Variants in RAB3IP observed in about 807,000 individuals in gnomAD.
The protein encoded by RAB3IP is RAB3A interacting protein.
A neutral mutation model predicts 59.1 loss-of-function variants in RAB3IP; 36 were observed. The observed-to-expected ratio is 0.61, with a 90% CI of 0.47 to 0.80. The LOEUF is 0.80. RAB3IP is among the 30% of genes least tolerant of loss of function. RAB3IP has a pLI of 0.00. For missense variants in RAB3IP, 511 were observed against 536.0 expected (o/e 0.95, Z 0.46); for synonymous variants, 207 against 191.2 (o/e 1.08, Z -0.68).
intron 6 of RAB3IP, among the ~76,000 whole-genome samples, chr12:69,796,832 TA>T (rs1459803543): frequency 6.6e-6 from 1 of 152,380 alleles, no homozygotes; most frequent in East Asian, 1.9e-4. Flanking sequence ...TATGTGTAAG[TA>T]ATTATGTACT....
chr12:69,784,817 T>C lies in RAB3IP; in HGVS notation c.606+2T>C. 6.3e-7 allele frequency: 1 copy of C among 1,585,390 alleles called. No homozygotes were observed. Among genetic ancestry groups the C allele is most frequent in the Non-Finnish European group, 8.6e-7 (1 of 1,158,140 alleles). The stretch of plus-strand genomic sequence containing the variant: ...GAACTCACAGCTAGTCTATTTGAGG[T>C]TGGTCTATTTACATCTTGGCCAACA... On this transcript the variant is annotated splice_donor_variant, in intron 4 of 10. Coordinates refer to ENST00000247833, the MANE Select transcript of RAB3IP (RefSeq NM_022456.5). LOFTEE classifies it high-confidence loss of function.
At chr12:69,804,852 T>A (rs1176001451) in intron 8 of RAB3IP, among the ~76,000 whole-genome samples, 1 of 152,198 alleles carries the variant, frequency 6.6e-6, no homozygotes, top group East Asian at 1.9e-4. Context: ...TCCATTGGTC[T>A]ATATCTCTGT....
chr12:69,738,847 C>G (rs1886938121), upstream of RAB3IP: 1 of 152,190 alleles, frequency 6.6e-6, no homozygotes, highest in African/African-American at 2.4e-5. Context: ...CGGCCCCCGG[C>G]CCCGCTTCCG....
intron 1 of RAB3IP, chr12:69,739,676 C>T (rs1887083714): frequency 1.5e-6 from 1 of 670,184 alleles, no homozygotes; most frequent in Non-Finnish European, 2.6e-6. Flanking sequence ...AGCTCCGTGC[C>T]GCCAGACTTG....
rs1216922984 is a variant in RAB3IP at position 69,820,025 on chromosome 12, A to C, written c.*4579A>C. The C allele has an allele frequency of 1.3e-5, 2 of 152,152 alleles. No homozygotes were observed. The allele number at this position is 152,152 out of a possible 1,614,324, so 9.4% of individuals were successfully genotyped here. On this transcript the variant is annotated 3_prime_UTR_variant, in exon 11 of 11. Coordinates refer to ENST00000247833, the MANE Select transcript of RAB3IP (RefSeq NM_022456.5). Reference sequence around the variant, plus strand: ...CACTTACTCCCATCGCCACCACAAGAATCCTGTGTGTTTTTGTTTTGTGCA... The same window carrying C: ...CACTTACTCCCATCGCCACCACAAGCATCCTGTGTGTTTTTGTTTTGTGCA...
intron 3 of RAB3IP, among the ~76,000 whole-genome samples, chr12:69,762,386 T>C (rs1267882609): frequency 6.6e-6 from 1 of 152,246 alleles, no homozygotes; most frequent in Non-Finnish European, 1.5e-5. Context: ...ATATGCATTT[T>C]CATCAAACTT....
chr12:69,750,796 A>G lies in RAB3IP; in HGVS notation c.-25-4588A>G, dbSNP rs368464538. Among the ~76,000 whole-genome samples the G allele has an allele frequency of 1.8e-3, 280 of 151,518 alleles. 1 individual carries two copies. The highest frequency in any genetic ancestry group is 6.8e-3 in the Middle Eastern group (2 of 294). On this transcript the variant is annotated intron_variant, in intron 1 of 10. Coordinates refer to ENST00000247833, the MANE Select transcript of RAB3IP (RefSeq NM_022456.5). The stretch of plus-strand genomic sequence containing the variant: ...GATGTTCATTTCTTATTTGCCACAT[A>G]ATATACATAATGTTTGATTGTCTCC...
chr12:69,802,353 C>G (rs1464799386), intron 8 of RAB3IP, among the ~76,000 whole-genome samples: 3 of 152,058 alleles, frequency 2.0e-5, no homozygotes, highest in Non-Finnish European at 4.4e-5. Flanking sequence ...AATAAATAAT[C>G]AGTTTTGTCT....
intron 8 of RAB3IP, among the ~76,000 whole-genome samples, chr12:69,806,788 A>C (rs150727047): frequency 0.21 from 32,217 of 151,816 alleles, 4,148 homozygotes; most frequent in Middle Eastern, 0.35. Flanking sequence ...ACTCTTAATG[A>C]GCATGCAGCC....
In RAB3IP at chr12:69,742,634, A is replaced by G. The variant is rs944267857; in HGVS notation, c.-26+3603A>G. ...GGTAAGTACTGTGCTGTGTTTGGTG[A>G]TGGATGATCAGTTGAAGAATGTTAG... On this transcript the variant is annotated intron_variant, in intron 1 of 10. Transcript: ENST00000247833. 4.6e-5 allele frequency among the ~76,000 whole-genome samples: 7 copies of G among 152,160 alleles called. No individual in the cohort carries two copies. In the South Asian group the frequency reaches 1.2e-3, roughly 27 times the overall value.
At position 69,819,298 on chromosome 12, in the gene RAB3IP, G is replaced by A. The variant is rs1881458408; in HGVS notation, c.*3852G>A. On this transcript the variant is annotated 3_prime_UTR_variant, in exon 11 of 11. Coordinates refer to ENST00000247833, the MANE Select transcript of RAB3IP (RefSeq NM_022456.5). ...TCTGAATCTTAGGCTTTTGGCTTGA[G>A]CTATTGCAGTTTATTGAGATGGGGA... The A allele has an allele frequency of 1.3e-5, 2 of 152,188 alleles. No individual in the cohort carries two copies. The highest frequency in any genetic ancestry group is 2.9e-5 in the Non-Finnish European group (2 of 68,044). The allele number at this position is 152,188 out of a possible 1,614,324, so 9.4% of individuals were successfully genotyped here.
At chr12:69,792,089 T>C (rs1876717071) in intron 4 of RAB3IP, among the ~76,000 whole-genome samples, 1 of 152,202 alleles carries the variant, frequency 6.6e-6, no homozygotes, top group African/African-American at 2.4e-5. Context: ...CTCACTTATA[T>C]GTGGAATCTA....
At chr12:69,758,756 CTTTTTTTTTTTTTTT>C (rs71437121) in intron 3 of RAB3IP, among the ~76,000 whole-genome samples, 2 of 48,208 alleles carry the variant, frequency 4.1e-5, no homozygotes, top group Admixed American at 6.7e-4. Flanking sequence ...GTGTTCATTC[CTTTTTTTTTTTTTTT>C]TTTTTTTTTT....
chr12:69,798,153 G>A (rs527547923), intron 6 of RAB3IP, among the ~76,000 whole-genome samples: 8 of 152,280 alleles, frequency 5.3e-5, no homozygotes, highest in African/African-American at 1.7e-4. Context: ...GTGTAAAAGT[G>A]TTCCTATTCC....
At chr12:69,811,234 G>T (rs1420968394) in intron 8 of RAB3IP, among the ~76,000 whole-genome samples, 1 of 152,118 alleles carries the variant, frequency 6.6e-6, no homozygotes, top group Admixed American at 6.5e-5. Context: ...GCTTGTGGAA[G>T]GGTGGAGGAT....
chr12:69,752,701 A>G (rs1457316052), intron 1 of RAB3IP, among the ~76,000 whole-genome samples: 3 of 152,208 alleles, frequency 2.0e-5, no homozygotes, highest in Admixed American at 2.0e-4. Context: ...AACCTTCAGG[A>G]TATAAAGAGG....
intron 4 of RAB3IP, among the ~76,000 whole-genome samples, chr12:69,790,858 A>G (rs6581904): frequency 0.34 from 50,969 of 152,114 alleles, 8,844 homozygotes; most frequent in Non-Finnish European, 0.37. Context: ...TGCTGGGATT[A>G]CAGGCGTGAG....
Position 69,755,492 on chromosome 12 carries a change from A to C in RAB3IP, c.84A>C (p.Ser28=), listed in dbSNP as rs892743424. ...CGGACCTTCTTGGTGTGTATGAATC[A>C]GGAACTCAAGAGCAGACTACCTCAC... ...TSPDLLGVYE[S]GTQEQTTSPS... is the part of the protein sequence containing the mutation. The change falls in exon 2 of 11, where the codon TCA becomes TCC. Residue 28 remains serine, a synonymous_variant. Transcript: ENST00000247833. 6.2e-7 allele frequency: 1 copy of C among 1,614,044 alleles called. No individual in the cohort carries two copies. Among genetic ancestry groups the C allele is most frequent in the African/African-American group, 1.3e-5 (1 of 74,910 alleles).
intron 8 of RAB3IP, among the ~76,000 whole-genome samples, chr12:69,809,408 G>A (rs1381891739): frequency 2.6e-5 from 4 of 152,124 alleles, no homozygotes; most frequent in Non-Finnish European, 4.4e-5. Context: ...GAGTATCTTT[G>A]TAGCATTCTC....
Sources: allele counts gnomAD v4.1 joint callset (sites outside exome capture counted in the v4.1 genomes callset), GRCh38; gene constraint gnomAD v4.1.1; transcripts MANE v1.5; gene names NCBI Gene and HGNC (gene_info 2026-07-23, HGNC 2026-07-21).